The following IL1RAPL1 variants were observed in gnomAD, a reference collection of about 807,000 sequenced individuals.
The protein encoded by IL1RAPL1 is interleukin-1 receptor accessory protein-like 1.
A neutral mutation model predicts 48.4 loss-of-function variants in IL1RAPL1; 3 were observed. That is an observed-to-expected ratio of 0.06 (90% CI 0.03 to 0.16). IL1RAPL1 has a LOEUF of 0.16. Among genes scored for constraint, IL1RAPL1 ranks in the 10% least tolerant of loss-of-function variants. IL1RAPL1 has a pLI of 1.00. For synonymous variants in IL1RAPL1, 185 were observed against 187.7 expected, an observed-to-expected ratio of 0.99 and a Z score of 0.12; for missense variants, 349 against 530.6, an observed-to-expected ratio of 0.66 and a Z score of 3.36.
intron 5 of IL1RAPL1, among the ~76,000 whole-genome samples, chrX:29,521,866 C>T (rs972181928): frequency 1.5e-4 from 17 of 111,788 alleles, no homozygotes; most frequent in African/African-American, 5.2e-4. Context: ...TTTTCCTCTT[C>T]TCAATGCATA....
At position 28,985,650 on chromosome X, in the gene IL1RAPL1, C is replaced by T. The variant is rs999318187; in HGVS notation, c.82+196225C>T. Among the ~76,000 whole-genome samples the T allele has an allele frequency of 3.7e-5, 4 of 108,289 alleles. No individual in the cohort carries two copies. The Admixed American group carries it at 3.9e-4, about 11-fold the overall frequency. The allele number at this position is 108,289 out of a possible 115,157, so 94.0% of individuals were successfully genotyped here. A position where few individuals can be genotyped will look rare whatever the true frequency, so the allele number is the denominator to read the frequency against. On this transcript the variant is annotated intron_variant, in intron 2 of 10. Coordinates refer to ENST00000378993, the MANE Select transcript of IL1RAPL1 (RefSeq NM_014271.4). ...GAATAACATTTCCATCTTTACCTAA[C>T]GAGCACATTTTTTTTTTTTTTTTTT... is the stretch of plus-strand genomic sequence containing the variant.
chrX:28,693,962 T>C (rs998234488), intron 1 of IL1RAPL1, among the ~76,000 whole-genome samples: 1 of 111,952 alleles, frequency 8.9e-6, no homozygotes, highest in Non-Finnish European at 1.9e-5. Flanking sequence ...TTTCTCCAAA[T>C]AATTTGTCAG....
At chrX:29,333,287 C>T (rs1157326886) in intron 3 of IL1RAPL1, among the ~76,000 whole-genome samples, 2 of 109,369 alleles carry the variant, frequency 1.8e-5, no homozygotes, top group Non-Finnish European at 3.9e-5. Flanking sequence ...GCTGACCCCC[C>T]CCACCATCCT....
At chrX:29,033,899 GACACACAC>G (rs372644096) in intron 2 of IL1RAPL1, among the ~76,000 whole-genome samples, 1 of 103,107 alleles carries the variant, frequency 9.7e-6, no homozygotes, top group Non-Finnish European at 2.0e-5. Flanking sequence ...CAAGAAATGG[GACACACAC>G]ACACACACAC....
At chrX:28,789,021 T>A (rs1033778582) in intron 1 of IL1RAPL1, among the ~76,000 whole-genome samples, 6 of 111,541 alleles carry the variant, frequency 5.4e-5, no homozygotes, top group Non-Finnish European at 1.1e-4. Context: ...CGGGATTGTT[T>A]CCATTTATTT....
At chrX:29,780,185 T>C (rs1345742380) in intron 6 of IL1RAPL1, among the ~76,000 whole-genome samples, 1 of 111,957 alleles carries the variant, frequency 8.9e-6, no homozygotes, top group African/African-American at 3.2e-5. Flanking sequence ...TCCTTTTTAC[T>C]GTGCATGTGT....
At chrX:29,782,829 T>G (rs1191608722) in intron 6 of IL1RAPL1, among the ~76,000 whole-genome samples, 1 of 108,486 alleles carries the variant, frequency 9.2e-6, no homozygotes, top group Non-Finnish European at 1.9e-5. Flanking sequence ...GGAATATTGT[T>G]GGAAATGGGG....
At chrX:29,813,436 A>G (rs1276842201) in intron 6 of IL1RAPL1, among the ~76,000 whole-genome samples, 2 of 111,709 alleles carry the variant, frequency 1.8e-5, no homozygotes, top group East Asian at 5.6e-4. Flanking sequence ...TTGTGAAACA[A>G]AGTAAGAGAA....
intron 2 of IL1RAPL1, among the ~76,000 whole-genome samples, chrX:28,820,997 T>C (rs2147281332): frequency 9.0e-6 from 1 of 111,537 alleles, no homozygotes; most frequent in East Asian, 2.8e-4. Context: ...TGATGCTGAG[T>C]TGACAATAGG....
chrX:28,785,459 C>A (rs992692844), intron 1 of IL1RAPL1, among the ~76,000 whole-genome samples: 1 of 111,712 alleles, frequency 9.0e-6, no homozygotes, highest in African/African-American at 3.3e-5. Context: ...AATACACAAA[C>A]TCTCCTGATT....
chrX:29,752,169 C>T (rs1411696985), intron 6 of IL1RAPL1, among the ~76,000 whole-genome samples: 1 of 101,593 alleles, frequency 9.8e-6, no homozygotes, highest in Non-Finnish European at 2.0e-5. Flanking sequence ...TGTAAATAAA[C>T]ACTGCTGGAT....
chrX:29,610,977 T>A (rs1367210467), intron 5 of IL1RAPL1, among the ~76,000 whole-genome samples: 1 of 112,395 alleles, frequency 8.9e-6, no homozygotes, highest in African/African-American at 3.2e-5. Context: ...TCAGATGGGT[T>A]TTATTTGACC....
In IL1RAPL1 at chrX:29,912,793, C is replaced by T. The variant is rs750680786; in HGVS notation, c.779-4671C>T. On this transcript the variant is annotated intron_variant, in intron 6 of 10. Transcript: ENST00000378993. Reference sequence around the variant, plus strand: ...AAAACCTGTTGTGTAATTGGCATATCCTAGTTCATTGGCCAAAGGTACAAA... The same window carrying T: ...AAAACCTGTTGTGTAATTGGCATATTCTAGTTCATTGGCCAAAGGTACAAA... Among the ~76,000 whole-genome samples the T allele has an allele frequency of 7.1e-5, 8 of 112,041 alleles. No homozygotes were observed. In the East Asian group the frequency reaches 2.2e-3, roughly 31 times the overall value.
intron 3 of IL1RAPL1, among the ~76,000 whole-genome samples, chrX:29,325,226 T>G (rs1932835690): frequency 8.9e-6 from 1 of 112,432 alleles, no homozygotes; most frequent in African/African-American, 3.2e-5. Flanking sequence ...TTATTAATCA[T>G]GTTTTTAACC....
intron 2 of IL1RAPL1, among the ~76,000 whole-genome samples, chrX:28,808,014 A>G (rs963108103): frequency 1.8e-5 from 2 of 110,931 alleles, no homozygotes; most frequent in Non-Finnish European, 3.8e-5. Context: ...GTAAGGACAG[A>G]GTAGAGACTT....
At chrX:29,912,743 G>A (rs937868677) in intron 6 of IL1RAPL1, among the ~76,000 whole-genome samples, 1 of 111,863 alleles carries the variant, frequency 8.9e-6, no homozygotes, top group Non-Finnish European at 1.9e-5. Flanking sequence ...AATATGAATG[G>A]GTGACTCCCA....
intron 5 of IL1RAPL1, among the ~76,000 whole-genome samples, chrX:29,606,345 T>A (rs1923892281): frequency 1.1e-5 from 1 of 94,093 alleles, no homozygotes; most frequent in Admixed American, 1.3e-4. Context: ...GGAGCGGTCC[T>A]CCTAATAGGC....
chrX:29,350,191 TTATATATATA>T lies in IL1RAPL1; in HGVS notation c.363-46043_363-46034del, dbSNP rs397897010. Among the ~76,000 whole-genome samples the T allele has an allele frequency of 1.3e-3, 50 of 39,424 alleles. 3 individuals carry two copies. Among genetic ancestry groups the T allele is most frequent in the African/African-American group, 5.0e-3 (29 of 5,752 alleles). The allele number at this position is 39,424 out of a possible 115,157, so 34.2% of individuals were successfully genotyped here. On this transcript the variant is annotated intron_variant, in intron 3 of 10. Coordinates refer to ENST00000378993, the MANE Select transcript of IL1RAPL1 (RefSeq NM_014271.4). ...CTCCCTTGGTCTACATACTGTTATT[TTATATATATA>T]TATATATATATATATATATATATGC...
intron 2 of IL1RAPL1, among the ~76,000 whole-genome samples, chrX:29,193,273 A>G (rs906594272): frequency 9.0e-6 from 1 of 111,146 alleles, no homozygotes; most frequent in African/African-American, 3.3e-5. Context: ...CAACCAAGCT[A>G]CATTAGTATT....
Sources: gnomAD v4.1 joint callset for allele counts (sites outside exome capture counted in the v4.1 genomes callset) on GRCh38, gnomAD v4.1.1 for gene constraint, MANE v1.5 for transcripts, NCBI Gene and HGNC (gene_info 2026-07-23, HGNC 2026-07-21) for gene names.